The following CFAP61 variants were observed in gnomAD, a reference collection of about 807,000 sequenced individuals.
CFAP61 encodes cilia and flagella associated protein 61.
Under a neutral mutation model 135.6 loss-of-function variants are expected in CFAP61, and 107 were observed. That is an observed-to-expected ratio of 0.79 (90% confidence interval 0.67 to 0.93). CFAP61 has a LOEUF of 0.93. Ranked by LOEUF, CFAP61 falls within the 40% of genes least tolerant of loss-of-function variation. CFAP61 has a pLI of 0.00. For missense variants in CFAP61, 1,507 were observed against 1,556.2 expected (o/e 0.97, Z 0.53); for synonymous variants, 575 against 578.5 (o/e 0.99, Z 0.09).
intron 2 of CFAP61, among the ~76,000 whole-genome samples, chr20:20,062,427 G>A (rs2044876123): frequency 6.6e-6 from 1 of 152,156 alleles, no homozygotes; most frequent in Admixed American, 6.5e-5. Context: ...CAGAAGAGAA[G>A]AAAGGCCTGA....
chr20:20,099,164 C>T (rs67779084), intron 8 of CFAP61, among the ~76,000 whole-genome samples: 17,060 of 149,878 alleles, frequency 0.11, 2,068 homozygotes, highest in East Asian at 0.66. Context: ...CAACCAAATA[C>T]AACAAGTGAA....
intron 16 of CFAP61, among the ~76,000 whole-genome samples, chr20:20,198,753 A>C (rs1368448610): frequency 6.6e-6 from 1 of 152,188 alleles, no homozygotes; most frequent in African/African-American, 2.4e-5. Context: ...TCACGGTCTG[A>C]AGTCCAGTGG....
chr20:20,254,705 TA>T (rs1327999221), intron 20 of CFAP61, among the ~76,000 whole-genome samples: 1 of 152,154 alleles, frequency 6.6e-6, no homozygotes, highest in African/African-American at 2.4e-5. Flanking sequence ...TGTGATTTTC[TA>T]AAAAACAAAT....
intron 17 of CFAP61, among the ~76,000 whole-genome samples, chr20:20,204,370 G>A (rs1016042080): frequency 1.3e-5 from 2 of 152,016 alleles, no homozygotes; most frequent in Admixed American, 1.3e-4. Flanking sequence ...GGCTTATGGA[G>A]CCCCTCCCCC....
intron 20 of CFAP61, among the ~76,000 whole-genome samples, chr20:20,255,422 A>T (rs905990307): frequency 7.9e-5 from 12 of 152,226 alleles, no homozygotes; most frequent in African/African-American, 2.7e-4. Flanking sequence ...GGTCACTAGC[A>T]GCTGACAGGT....
At chr20:20,138,853 A>G (rs1330703689) in intron 8 of CFAP61, among the ~76,000 whole-genome samples, 1 of 152,198 alleles carries the variant, frequency 6.6e-6, no homozygotes, top group Non-Finnish European at 1.5e-5. Context: ...CATCTTCATC[A>G]TATATCAACA....
chr20:20,136,010 T>C (rs1447633490), intron 8 of CFAP61, among the ~76,000 whole-genome samples: 4 of 152,204 alleles, frequency 2.6e-5, no homozygotes, highest in Non-Finnish European at 5.9e-5. Flanking sequence ...GATATACTAT[T>C]CTAGGGTAAG....
At chr20:20,137,079 T>C (rs921857801) in intron 8 of CFAP61, among the ~76,000 whole-genome samples, 1 of 152,218 alleles carries the variant, frequency 6.6e-6, no homozygotes, top group Non-Finnish European at 1.5e-5. Flanking sequence ...GAGACTCTTA[T>C]TCTCTTCCTT....
At chr20:20,150,700 G>A (rs886694776) in intron 9 of CFAP61, among the ~76,000 whole-genome samples, 1 of 152,132 alleles carries the variant, frequency 6.6e-6, no homozygotes, top group African/African-American at 2.4e-5. Context: ...ATTCATGGTT[G>A]GGAGACCTGA....
chr20:20,172,976 ATCTTTT>A (rs746935056), intron 13 of CFAP61, among the ~76,000 whole-genome samples: 1 of 152,158 alleles, frequency 6.6e-6, no homozygotes, highest in Non-Finnish European at 1.5e-5. Context: ...TCAACCACTG[ATCTTTT>A]TACTGTCGCC....
At chr20:20,304,479 G>A (rs6046787) in intron 25 of CFAP61, among the ~76,000 whole-genome samples, 80,157 of 151,148 alleles carry the variant, frequency 0.53, 21,390 homozygotes, top group Middle Eastern at 0.61. Context: ...AAAAGCATTT[G>A]TGCCCCCACA....
intron 7 of CFAP61, among the ~76,000 whole-genome samples, chr20:20,097,034 T>C (rs80344757): frequency 0.036 from 5,545 of 152,026 alleles, 348 homozygotes; most frequent in African/African-American, 0.13. Flanking sequence ...TGCAAACACG[T>C]TTGAGAACAA....
chr20:20,193,540 A>G (rs951244564), intron 15 of CFAP61, among the ~76,000 whole-genome samples: 5 of 151,442 alleles, frequency 3.3e-5, no homozygotes, highest in Non-Finnish European at 5.9e-5. Flanking sequence ...CACAAATATG[A>G]TAAGTTTTCA....
chr20:20,272,161 C>T (rs1433243800), intron 21 of CFAP61, among the ~76,000 whole-genome samples: 2 of 152,100 alleles, frequency 1.3e-5, no homozygotes, highest in African/African-American at 4.8e-5. Context: ...ATGCTGTAGG[C>T]CAGTGTGGTG....
intron 26 of CFAP61, among the ~76,000 whole-genome samples, chr20:20,345,244 T>C (rs2058586608): frequency 6.6e-6 from 1 of 152,120 alleles, no homozygotes; most frequent in African/African-American, 2.4e-5. Flanking sequence ...CTAAGATAAC[T>C]AAAAGAGTGG....
intron 16 of CFAP61, among the ~76,000 whole-genome samples, chr20:20,197,112 T>G (rs1381121801): frequency 6.6e-6 from 1 of 152,214 alleles, no homozygotes; most frequent in Non-Finnish European, 1.5e-5. Context: ...GCCAACATGA[T>G]CCTATTCTGT....
At chr20:20,085,488 T>TC (rs2046733345) in intron 6 of CFAP61, 2 of 1,366,618 alleles carry the variant, frequency 1.5e-6, no homozygotes, top group Non-Finnish European at 2.0e-6. Flanking sequence ...TCTTCAGAAC[T>TC]CCAAGATTTG....
intron 21 of CFAP61, among the ~76,000 whole-genome samples, chr20:20,274,393 G>A (rs190146026): frequency 2.0e-4 from 30 of 152,326 alleles, no homozygotes; most frequent in Admixed American, 8.5e-4. Flanking sequence ...AGATGCAGAG[G>A]CTCACGTCTA....
chr20:20,081,311 G>T, intron 6 of CFAP61, among the ~76,000 whole-genome samples: 1 of 152,142 alleles, frequency 6.6e-6, no homozygotes, highest in East Asian at 1.9e-4. Context: ...CAGGATACCC[G>T]ATTTGTATCT....
Sources: allele counts gnomAD v4.1 joint callset (sites outside exome capture counted in the v4.1 genomes callset), GRCh38; gene constraint gnomAD v4.1.1; transcripts MANE v1.5; gene names NCBI Gene and HGNC (gene_info 2026-07-23, HGNC 2026-07-21).